The following MAGI2 variants were observed in gnomAD, a reference collection of about 807,000 sequenced individuals.
The protein encoded by MAGI2 is membrane associated guanylate kinase, WW and PDZ domain containing 2, also known as membrane-associated guanylate kinase, WW and PDZ domain-containing protein 2.
A neutral mutation model predicts 133.3 loss-of-function variants in MAGI2; 35 were observed. The ratio of observed to expected loss-of-function variants is 0.26; its 90% CI spans 0.20 to 0.35. The LOEUF (loss-of-function observed/expected upper bound fraction) is 0.35, where lower values mean the gene tolerates loss of function less well. MAGI2 is among the 10% of genes least tolerant of loss of function. MAGI2 has a pLI of 1.00. For missense variants in MAGI2, 1,636 were observed against 1,863.4 expected (o/e 0.88, Z 2.25); for synonymous variants, 729 against 710.6 (o/e 1.03, Z -0.41).
intron 10 of MAGI2, among the ~76,000 whole-genome samples, chr7:78,203,970 T>A (rs1829502681): frequency 6.6e-6 from 1 of 152,174 alleles, no homozygotes; most frequent in Non-Finnish European, 1.5e-5. Context: ...TCTAGTCTAT[T>A]TCAATTAAAA....
Position 78,864,514 on chromosome 7 carries a change from T to A in MAGI2, c.418+142576A>T, listed in dbSNP as rs563259367. Among the ~76,000 whole-genome samples, 4 of 152,348 alleles carry A rather than the reference T, an allele frequency of 2.6e-5. No homozygotes were observed. The East Asian group carries it at 7.7e-4, about 29-fold the overall frequency. On this transcript the variant is annotated intron_variant, in intron 2 of 21. Transcript: ENST00000354212. Reference sequence around the variant, plus strand: ...TAAATTGCTGCTGTGAGATTGAATATAATTAGTCCTGCTGATATGCAAAGA... The same window carrying A: ...TAAATTGCTGCTGTGAGATTGAATAAAATTAGTCCTGCTGATATGCAAAGA...
intron 1 of MAGI2, among the ~76,000 whole-genome samples, chr7:79,248,722 G>A (rs1832995534): frequency 6.6e-6 from 1 of 151,888 alleles, no homozygotes; most frequent in Non-Finnish European, 1.5e-5. Context: ...AGGAATTTTG[G>A]AAACTATACA....
chr7:78,452,155 CTA>C (rs1406280104), intron 6 of MAGI2, among the ~76,000 whole-genome samples: 3 of 151,964 alleles, frequency 2.0e-5, no homozygotes, highest in African/African-American at 7.2e-5. Context: ...GACAAAAACT[CTA>C]TGAGGTATTA....
chr7:78,694,269 C>A (rs760217596), intron 2 of MAGI2, among the ~76,000 whole-genome samples: 9 of 152,108 alleles, frequency 5.9e-5, no homozygotes, highest in Non-Finnish European at 1.2e-4. Flanking sequence ...TCATATAGTT[C>A]TTTTCAGCCA....
intron 10 of MAGI2, among the ~76,000 whole-genome samples, chr7:78,244,274 C>CTAT (rs1462534546): frequency 9.4e-6 from 1 of 106,254 alleles, no homozygotes; most frequent in Admixed American, 1.0e-4. Context: ...GATTTTAATT[C>CTAT]TATTTAAATA....
At chr7:78,768,968 A>G (rs1449899303) in intron 2 of MAGI2, among the ~76,000 whole-genome samples, 1 of 152,154 alleles carries the variant, frequency 6.6e-6, no homozygotes, top group African/African-American at 2.4e-5. Flanking sequence ...CCCTCAAACC[A>G]GAGCTCTCTG....
At chr7:78,775,161 A>G (rs1825884930) in intron 2 of MAGI2, among the ~76,000 whole-genome samples, 1 of 151,358 alleles carries the variant, frequency 6.6e-6, no homozygotes, top group Non-Finnish European at 1.5e-5. Flanking sequence ...AAAATACAAA[A>G]AATGAGCCAG....
chr7:78,412,071 A>ACG, intron 6 of MAGI2, among the ~76,000 whole-genome samples: 1 of 152,066 alleles, frequency 6.6e-6, no homozygotes, highest in Non-Finnish European at 1.5e-5. Context: ...GTAAGAGAAT[A>ACG]ATATGTTTAT....
chr7:78,641,152 C>A (rs1050092430), intron 2 of MAGI2, among the ~76,000 whole-genome samples: 10 of 152,156 alleles, frequency 6.6e-5, no homozygotes, highest in African/African-American at 2.2e-4. Context: ...CCTAGCCCTG[C>A]AGAACTGTGA....
chr7:79,121,657 G>A (rs1819915111), intron 1 of MAGI2, among the ~76,000 whole-genome samples: 1 of 152,044 alleles, frequency 6.6e-6, no homozygotes, highest in Non-Finnish European at 1.5e-5. Flanking sequence ...TCAATGCCAT[G>A]TTTTTAGGTT....
chr7:78,454,351 T>A (rs953052403), intron 6 of MAGI2, among the ~76,000 whole-genome samples: 14 of 152,172 alleles, frequency 9.2e-5, no homozygotes, highest in African/African-American at 3.4e-4. Context: ...TCTCTATACA[T>A]GAAACTCATT....
chr7:79,431,813 T>C (rs1296721378), intron 1 of MAGI2, among the ~76,000 whole-genome samples: 1 of 152,218 alleles, frequency 6.6e-6, no homozygotes, highest in Admixed American at 6.5e-5. Flanking sequence ...ATTGGTTCAT[T>C]AATCCTCTAG....
intron 10 of MAGI2, among the ~76,000 whole-genome samples, chr7:78,212,438 C>G (rs1195372900): frequency 1.3e-5 from 2 of 152,206 alleles, no homozygotes; most frequent in Non-Finnish European, 2.9e-5. Context: ...TGAGGAGGCT[C>G]TGACTTGCTG....
chr7:78,070,089 A>G (rs970930980), intron 21 of MAGI2, among the ~76,000 whole-genome samples: 1 of 130,822 alleles, frequency 7.6e-6, no homozygotes, highest in Non-Finnish European at 1.6e-5. Flanking sequence ...TGGTCACTAT[A>G]AACACACACA....
intron 1 of MAGI2, among the ~76,000 whole-genome samples, chr7:79,190,788 A>G (rs1490962442): frequency 6.6e-6 from 1 of 151,816 alleles, no homozygotes; most frequent in African/African-American, 2.4e-5. Flanking sequence ...TTAACATGCT[A>G]TATTTTAGTA....
chr7:79,003,059 C>T (rs1023954576), intron 2 of MAGI2, among the ~76,000 whole-genome samples: 2 of 151,900 alleles, frequency 1.3e-5, no homozygotes, highest in African/African-American at 4.8e-5. Flanking sequence ...CAGTGGAGAC[C>T]TAGACTAACC....
chr7:78,811,187 A>G (rs967016298), intron 2 of MAGI2, among the ~76,000 whole-genome samples: 27 of 151,920 alleles, frequency 1.8e-4, no homozygotes, highest in Non-Finnish European at 3.5e-4. Flanking sequence ...TTTATAGAAA[A>G]TTGAGTAAAT....
intron 2 of MAGI2, among the ~76,000 whole-genome samples, chr7:78,915,408 A>G (rs1222373487): frequency 6.6e-6 from 1 of 152,134 alleles, no homozygotes; most frequent in Non-Finnish European, 1.5e-5. Flanking sequence ...AATTGCTGCT[A>G]GAGTTCTATT....
rs558051905 is a variant in MAGI2, at chr7:78,742,151, T to A, written c.419-114912A>T. On this transcript the variant is annotated intron_variant, in intron 2 of 21. Transcript: ENST00000354212. ...AAAGAATGAATGATAAAGAAATAAA[T>A]ACATAATATAAAAACAAGCCTTTTA... Among the ~76,000 whole-genome samples, 20 of 152,108 alleles carry A rather than the reference T, an allele frequency of 1.3e-4. No individual in the cohort carries two copies. The East Asian group carries it at 3.9e-3, about 30-fold the overall frequency.
Sources: gnomAD v4.1 joint callset for allele counts (sites outside exome capture counted in the v4.1 genomes callset) on GRCh38, gnomAD v4.1.1 for gene constraint, MANE v1.5 for transcripts, NCBI Gene and HGNC (gene_info 2026-07-23, HGNC 2026-07-21) for gene names.